Variants in LYN observed in about 807,000 individuals in gnomAD.
LYN encodes the protein LYN proto-oncogene, Src family tyrosine kinase.
In LYN, 12 loss-of-function variants were observed where a neutral mutation model predicts 65.0. The ratio of observed to expected loss-of-function variants is 0.18; its 90% CI spans 0.12 to 0.30. The LOEUF (loss-of-function observed/expected upper bound fraction) is 0.30, where lower values mean the gene tolerates loss of function less well. Ranked by LOEUF, LYN falls within the 10% of genes least tolerant of loss-of-function variation. The pLI, the probability that LYN is intolerant of heterozygous loss-of-function variation, is 1.00. For synonymous variants in LYN, 222 were observed against 221.2 expected (o/e 1.00, Z -0.03); for missense variants, 380 against 623.2 (o/e 0.61, Z 4.16).
At chr8:55,982,839 G>C (rs533414670) in intron 10 of LYN, among the ~76,000 whole-genome samples, 1 of 152,116 alleles carries the variant, frequency 6.6e-6, no homozygotes, top group Admixed American at 6.5e-5. Context: ...TTCAGCCATT[G>C]CCTCCCTTCT....
chr8:55,995,185 C>T (rs1163355199), intron 10 of LYN, among the ~76,000 whole-genome samples: 1 of 152,130 alleles, frequency 6.6e-6, no homozygotes, highest in Admixed American at 6.6e-5. Context: ...CATGCCACTG[C>T]CTGCTGTTTC....
At chr8:55,941,583 G>T (rs777614769) in intron 1 of LYN, among the ~76,000 whole-genome samples, 2 of 152,094 alleles carry the variant, frequency 1.3e-5, no homozygotes, top group African/African-American at 4.8e-5. Context: ...CTCTGTCATC[G>T]AGTCTTTACA....
At chr8:55,901,496 T>G (rs956784872) in intron 1 of LYN, among the ~76,000 whole-genome samples, 1 of 152,220 alleles carries the variant, frequency 6.6e-6, no homozygotes, top group African/African-American at 2.4e-5. Context: ...TTTGCACACC[T>G]GTGGCCTCCC....
At chr8:55,919,362 G>A (rs1412717961) in intron 1 of LYN, among the ~76,000 whole-genome samples, 9 of 152,138 alleles carry the variant, frequency 5.9e-5, no homozygotes, top group Non-Finnish European at 1.2e-4. Flanking sequence ...TAGAGTTTGA[G>A]TGAGAAGAAT....
intron 10 of LYN, among the ~76,000 whole-genome samples, chr8:55,984,355 A>T (rs1027519892): frequency 6.6e-6 from 1 of 152,118 alleles, no homozygotes; most frequent in Admixed American, 6.5e-5. Flanking sequence ...CTGCCCAAAG[A>T]TGTGTGTTGG....
rs1412945458 is a variant in LYN, at chr8:56,010,160, AG to A, written c.*52del. 1 of 1,573,840 alleles carries A rather than the reference AG, an allele frequency of 6.4e-7. No individual in the cohort carries two copies. The highest frequency in any genetic ancestry group is 2.2e-5 in the East Asian group (1 of 44,650). On this transcript the variant is annotated 3_prime_UTR_variant, in exon 13 of 13. Coordinates refer to ENST00000519728, the MANE Select transcript of LYN (RefSeq NM_002350.4). ...GCAGGGGTGGCTGCCTCATTTAGAG[AG>A]GAAAAGTAACCATCACTGGTTGCAC...
chr8:55,883,117 T>C (rs1031380767), intron 1 of LYN, among the ~76,000 whole-genome samples: 3 of 152,230 alleles, frequency 2.0e-5, no homozygotes, highest in African/African-American at 7.2e-5. Flanking sequence ...TAATAAAGTG[T>C]TGAATAGCTC....
intron 2 of LYN, among the ~76,000 whole-genome samples, chr8:55,942,639 G>T (rs1349816258): frequency 1.3e-5 from 2 of 151,526 alleles, no homozygotes; most frequent in Non-Finnish European, 2.9e-5. Flanking sequence ...ACAAAAATTA[G>T]CTGGGCACAG....
intron 1 of LYN, among the ~76,000 whole-genome samples, chr8:55,918,558 G>A (rs763239868): frequency 6.6e-6 from 1 of 152,172 alleles, no homozygotes; most frequent in African/African-American, 2.4e-5. Flanking sequence ...ATCTAGAAAC[G>A]ATTGTTAAGG....
chr8:55,976,169 A>G (rs535640575), intron 10 of LYN, among the ~76,000 whole-genome samples: 2 of 152,104 alleles, frequency 1.3e-5, no homozygotes, highest in South Asian at 4.2e-4. Context: ...AGATGAAAGC[A>G]GTTTGAAATT....
intron 10 of LYN, among the ~76,000 whole-genome samples, chr8:55,981,744 T>A (rs2667981): frequency 0.15 from 22,254 of 152,184 alleles, 2,194 homozygotes; most frequent in Middle Eastern, 0.23. Flanking sequence ...CCTCTAACTA[T>A]AGGTTTACTT....
At chr8:55,977,548 GT>G (rs1807791030) in intron 10 of LYN, among the ~76,000 whole-genome samples, 2 of 152,046 alleles carry the variant, frequency 1.3e-5, no homozygotes, top group East Asian at 3.9e-4. Context: ...TGCTGTTTTT[GT>G]TTTGTTTTTT....
At chr8:55,911,277 ATATATATAT>A (rs1805627734) in intron 1 of LYN, among the ~76,000 whole-genome samples, 1 of 46,362 alleles carries the variant, frequency 2.2e-5, no homozygotes, top group Non-Finnish European at 4.4e-5. Flanking sequence ...ATATATATAT[ATATATATAT>A]TTTTTTTTTT....
chr8:55,924,010 A>T (rs946606487), intron 1 of LYN, among the ~76,000 whole-genome samples: 1 of 151,860 alleles, frequency 6.6e-6, no homozygotes, highest in South Asian at 2.1e-4. Context: ...CCTTAGAATC[A>T]TATTGGACAC....
chr8:55,902,734 G>C, intron 1 of LYN: 1 of 497,486 alleles, frequency 2.0e-6, no homozygotes, highest in Non-Finnish European at 3.9e-6. Flanking sequence ...AATGTTACAG[G>C]TCTCATTGTC....
intron 4 of LYN, among the ~76,000 whole-genome samples, chr8:55,948,863 A>G (rs536468509): frequency 6.6e-6 from 1 of 152,240 alleles, no homozygotes; most frequent in Admixed American, 6.5e-5. Flanking sequence ...TGATGTGAGC[A>G]TGATGCATGT....
intron 11 of LYN, among the ~76,000 whole-genome samples, chr8:55,998,833 G>A (rs1165074961): frequency 6.6e-6 from 1 of 152,050 alleles, no homozygotes; most frequent in Non-Finnish European, 1.5e-5. Flanking sequence ...TAATATACGG[G>A]GCTGTGGAGA....
intron 1 of LYN, among the ~76,000 whole-genome samples, chr8:55,894,720 A>G (rs552954693): frequency 1.3e-3 from 191 of 152,216 alleles, no homozygotes; most frequent in African/African-American, 4.4e-3. Flanking sequence ...TTTTTAGTAG[A>G]GACGGGGTTT....
At position 56,012,978 on chromosome 8, in the gene LYN, G is replaced by A. The variant is rs1305171297; in HGVS notation, c.*2868G>A. 6.6e-6 allele frequency: 1 copy of A among 152,156 alleles called. No individual in the cohort carries two copies. Among genetic ancestry groups the A allele is most frequent in the Non-Finnish European group, 1.5e-5 (1 of 68,086 alleles). The allele number at this position is 152,156 out of a possible 1,614,324, so 9.4% of individuals were successfully genotyped here. A position where few individuals can be genotyped will look rare whatever the true frequency, so the allele number is the denominator to read the frequency against. ...TGTCCTTAGTAGTAGGGGCCACCTG[G>A]GGCTTCCGTGGCTTCTCCAGGCATA... is the stretch of plus-strand genomic sequence containing the variant. On this transcript the variant is annotated 3_prime_UTR_variant, in exon 13 of 13. Transcript: ENST00000519728.
Sources: allele counts gnomAD v4.1 joint callset (sites outside exome capture counted in the v4.1 genomes callset), GRCh38; gene constraint gnomAD v4.1.1; transcripts MANE v1.5; gene names NCBI Gene and HGNC (gene_info 2026-07-23, HGNC 2026-07-21).